NFATC2: variants seen among roughly 807,000 people sequenced by gnomAD.
The protein encoded by NFATC2 is nuclear factor of activated T cells 2.
A neutral mutation model predicts 87.3 loss-of-function variants in NFATC2; 22 were observed. The ratio of observed to expected loss-of-function variants is 0.25; its 90% CI spans 0.18 to 0.36. The LOEUF is 0.36. Among genes scored for constraint, NFATC2 ranks in the 10% least tolerant of loss-of-function variants. The pLI, the probability that NFATC2 is intolerant of heterozygous loss-of-function variation, is 1.00. For synonymous variants in NFATC2, 565 were observed against 542.2 expected (o/e 1.04, Z -0.58); for missense variants, 1,149 against 1,259.1 (o/e 0.91, Z 1.32).
chr20:51,520,895 G>A (rs1474539904), intron 2 of NFATC2, among the ~76,000 whole-genome samples: 2 of 152,044 alleles, frequency 1.3e-5, no homozygotes, highest in East Asian at 3.9e-4. Flanking sequence ...CCGACCTCAG[G>A]TGATCCGCCC....
intron 3 of NFATC2, among the ~76,000 whole-genome samples, chr20:51,485,807 A>T (rs1256611772): frequency 3.3e-5 from 5 of 152,158 alleles, no homozygotes; most frequent in Non-Finnish European, 5.9e-5. Context: ...AGCATGTCAC[A>T]AGCAATCAAT....
chr20:51,476,668 A>G (rs1988743363), intron 3 of NFATC2, among the ~76,000 whole-genome samples: 1 of 152,242 alleles, frequency 6.6e-6, no homozygotes, highest in Non-Finnish European at 1.5e-5. Context: ...CAAAATCTCT[A>G]GCACCTAGAG....
intron 1 of NFATC2, among the ~76,000 whole-genome samples, chr20:51,530,641 G>A (rs1417707745): frequency 2.6e-5 from 4 of 152,190 alleles, no homozygotes; most frequent in African/African-American, 9.7e-5. Context: ...GATAGAAGCA[G>A]GGATGGGGGA....
At chr20:51,479,724 G>A (rs1007388012) in intron 3 of NFATC2, among the ~76,000 whole-genome samples, 1 of 152,152 alleles carries the variant, frequency 6.6e-6, no homozygotes, top group Non-Finnish European at 1.5e-5. Flanking sequence ...ACAATTCCAC[G>A]TAAGATGGGC....
intron 3 of NFATC2, among the ~76,000 whole-genome samples, chr20:51,484,579 C>T (rs1314376071): frequency 6.6e-6 from 1 of 152,194 alleles, no homozygotes; most frequent in Non-Finnish European, 1.5e-5. Flanking sequence ...ATGGGAGGGG[C>T]CGGAGCAGCT....
At chr20:51,504,367 C>T (rs1326349147) in intron 3 of NFATC2, among the ~76,000 whole-genome samples, 1 of 152,160 alleles carries the variant, frequency 6.6e-6, no homozygotes, top group African/African-American at 2.4e-5. Flanking sequence ...AACTCCCGGC[C>T]TCAAGTGATC....
chr20:51,407,956 CAGGAA>C (rs892598152), intron 9 of NFATC2, among the ~76,000 whole-genome samples: 1 of 152,226 alleles, frequency 6.6e-6, no homozygotes, highest in Non-Finnish European at 1.5e-5. Flanking sequence ...AGCAGATCCT[CAGGAA>C]ACCTGAGCTG....
intron 9 of NFATC2, among the ~76,000 whole-genome samples, chr20:51,405,483 G>A (rs118183254): frequency 0.014 from 2,098 of 152,236 alleles, 28 homozygotes; most frequent in Admixed American, 0.022. Flanking sequence ...TGCCATGTTC[G>A]TAGAAGCTTG....
In NFATC2 at chr20:51,391,468, G is replaced by GA. The variant is rs1491275256; in HGVS notation, c.*45-18dup. The GA allele has an allele frequency of 4.1e-6, 5 of 1,219,250 alleles. No homozygotes were observed. In the African/African-American group the frequency reaches 7.2e-5, roughly 17 times the overall value. 75.5% of individuals were successfully genotyped at this position (1,219,250 alleles called of 1,614,324 possible). A position where few individuals can be genotyped will look rare whatever the true frequency, so the allele number is the denominator to read the frequency against. ...TTTCATTAACTACAAAAGAAAAGAG[G>GA]AGGGGGGGGGAGAGAGAATGGGGCA... On this transcript the variant is annotated splice_polypyrimidine_tract_variant and intron_variant, in intron 10 of 10. Coordinates refer to ENST00000371564, the MANE Select transcript of NFATC2 (RefSeq NM_012340.5).
chr20:51,473,292 C>G (rs1343482072), intron 5 of NFATC2, among the ~76,000 whole-genome samples: 1 of 151,988 alleles, frequency 6.6e-6, no homozygotes, highest in Admixed American at 6.6e-5. Flanking sequence ...TGGCATAGTG[C>G]AGGATAAAAA....
rs373335401 is a variant in NFATC2 at position 51,561,377 on chromosome 20, AAAAG to A, written c.70+1179_70+1182del. 5.9e-3 allele frequency among the ~76,000 whole-genome samples: 873 copies of A among 147,966 alleles called. 12 individuals carry two copies. Among genetic ancestry groups the A allele is most frequent in the African/African-American group, 0.014 (533 of 38,590 alleles). On this transcript the variant is annotated intron_variant, in intron 1 of 10. Coordinates refer to the NFATC2 transcript ENST00000414705. ...AGAAAGAAAAGAAAGAAAGAGAGAG[AAAAG>A]AAAGAAAGAAAGAGAGAGAAAGAAA...
intron 1 of NFATC2, among the ~76,000 whole-genome samples, chr20:51,561,161 C>G (rs1056219746): frequency 6.6e-6 from 1 of 151,464 alleles, no homozygotes; most frequent in Non-Finnish European, 1.5e-5. Flanking sequence ...ATAGGCTTGA[C>G]CACTAGCAGA....
chr20:51,398,710 T>TAAGGTGTGTGTCTATCAGCTCTG lies in NFATC2; in HGVS notation c.2723-3_2742dup (p.Ser915GlnfsTer3). 3 of 1,612,888 alleles carry TAAGGTGTGTGTCTATCAGCTCTG rather than the reference T, an allele frequency of 1.9e-6. No individual in the cohort carries two copies. Among genetic ancestry groups the TAAGGTGTGTGTCTATCAGCTCTG allele is most frequent in the Non-Finnish European group, 2.5e-6 (3 of 1,179,306 alleles). On this transcript the variant is annotated stop_gained and frameshift_variant, in exon 10 of 11. Coordinates refer to ENST00000371564, the MANE Select transcript of NFATC2 (RefSeq NM_012340.5). LOFTEE classifies it high-confidence loss of function. ...TTTCATAATATGTTTTGTATCCAGCTAAGGTGTGTGTCTATCAGCTCTGAA... is the reference window on the plus strand; with the variant it reads ...TTTCATAATATGTTTTGTATCCAGCTAAGGTGTGTGTCTATCAGCTCTGAAGGTGTGTGTCTATCAGCTCTGAA...
chr20:51,516,158 CA>C (rs2076347254), intron 3 of NFATC2, among the ~76,000 whole-genome samples: 1 of 151,412 alleles, frequency 6.6e-6, no homozygotes, highest in Non-Finnish European at 1.5e-5. Flanking sequence ...GAGGTTAAAT[CA>C]AAAGCCACAG....
At chr20:51,416,752 A>C (rs1980093779) in intron 9 of NFATC2, among the ~76,000 whole-genome samples, 1 of 152,076 alleles carries the variant, frequency 6.6e-6, no homozygotes, top group Non-Finnish European at 1.5e-5. Flanking sequence ...TAATATCCCC[A>C]TTTTGCAGAT....
At chr20:51,507,277 G>A (rs114425425) in intron 3 of NFATC2, among the ~76,000 whole-genome samples, 1,748 of 152,242 alleles carry the variant, frequency 0.011, 33 homozygotes, top group African/African-American at 0.04. Context: ...TAGCAGCCCC[G>A]ACTCACCATG....
intron 3 of NFATC2, among the ~76,000 whole-genome samples, chr20:51,482,890 G>C (rs1989382479): frequency 6.6e-6 from 1 of 152,158 alleles, no homozygotes; most frequent in African/African-American, 2.4e-5. Flanking sequence ...ATTGAATCTT[G>C]CTTTATGAGA....
At chr20:51,515,029 G>C (rs964632037) in intron 3 of NFATC2, among the ~76,000 whole-genome samples, 1 of 152,208 alleles carries the variant, frequency 6.6e-6, no homozygotes, top group South Asian at 2.1e-4. Context: ...CGTGCAGGAA[G>C]TAGCATCTGA....
At chr20:51,400,598 TTAGTCA>T (rs1206982630) in intron 9 of NFATC2, among the ~76,000 whole-genome samples, 6 of 152,138 alleles carry the variant, frequency 3.9e-5, no homozygotes, top group Non-Finnish European at 8.8e-5. Context: ...AGCTTCCTGT[TTAGTCA>T]TAGAGTTTCA....
Sources: gnomAD v4.1 joint callset for allele counts (sites outside exome capture counted in the v4.1 genomes callset) on GRCh38, gnomAD v4.1.1 for gene constraint, MANE v1.5 for transcripts, NCBI Gene and HGNC (gene_info 2026-07-23, HGNC 2026-07-21) for gene names.